USH2A: variants seen among roughly 807,000 people sequenced by gnomAD.
The protein encoded by USH2A is Usher syndrome 2A (autosomal recessive, mild).
A neutral mutation model predicts 538.9 loss-of-function variants in USH2A; 443 were observed. That is an observed-to-expected ratio of 0.82 (90% confidence interval 0.76 to 0.89). The LOEUF is 0.89. USH2A is among the 40% of genes least tolerant of loss of function. The pLI, the probability that USH2A is intolerant of heterozygous loss-of-function variation, is 0.00. For synonymous variants in USH2A, 2,413 were observed against 2,273.5 expected, an observed-to-expected ratio of 1.06 and a Z score of -1.75; for missense variants, 6,633 against 6,324.8, an observed-to-expected ratio of 1.05 and a Z score of -1.65.
intron 49 of USH2A, among the ~76,000 whole-genome samples, chr1:215,811,842 G>T (rs1228878323): frequency 1.5e-4 from 23 of 151,658 alleles, no homozygotes; most frequent in Non-Finnish European, 7.4e-5. Context: ...GGAGGTGGAG[G>T]TTGCAGTGAG....
chr1:215,634,590 CCAA>C lies in USH2A; in HGVS notation c.15163_15165del (p.Leu5055del). On this transcript the variant is annotated inframe_deletion, in exon 70 of 72. Transcript: ENST00000307340. ...TGTAGTATCAGGGACAGAAAAATGG[CCAA>C]CAAGATCAAGCCCAGCATCGCCATT... 2 of 1,614,078 alleles carry C rather than the reference CCAA, an allele frequency of 1.2e-6. No homozygotes were observed.
intron 61 of USH2A, among the ~76,000 whole-genome samples, chr1:215,725,114 A>G (rs1177031886): frequency 1.3e-5 from 2 of 152,190 alleles, no homozygotes; most frequent in Middle Eastern, 6.8e-3. Flanking sequence ...GCTCACTGCA[A>G]CCGTGGCCTC....
chr1:215,629,601 G>A (rs1451589155), intron 70 of USH2A, among the ~76,000 whole-genome samples: 1 of 151,756 alleles, frequency 6.6e-6, no homozygotes, highest in Non-Finnish European at 1.5e-5. Flanking sequence ...TTTCTTATAG[G>A]ATTCCAGCCT....
rs559903378 is a variant in USH2A, at chr1:215,701,518, T to C, written c.12067-21142A>G. ...TGGGTGCTCCTGTATTGGGTGCATA[T>C]AGATTTAGGATAGTTAGCTCTTCTT... On this transcript the variant is annotated intron_variant, in intron 61 of 71. Transcript: ENST00000307340. Among the ~76,000 whole-genome samples, 7 of 152,336 alleles carry C rather than the reference T, an allele frequency of 4.6e-5. No homozygotes were observed. In the South Asian group the frequency reaches 1.4e-3, roughly 32 times the overall value.
chr1:215,705,083 A>G (rs1659148554), intron 61 of USH2A, among the ~76,000 whole-genome samples: 1 of 152,180 alleles, frequency 6.6e-6, no homozygotes, highest in Admixed American at 6.5e-5. Flanking sequence ...AAACACACCT[A>G]TTTTTGGGGT....
chr1:215,774,149 A>T (rs975719084), intron 55 of USH2A, among the ~76,000 whole-genome samples: 1 of 152,124 alleles, frequency 6.6e-6, no homozygotes, highest in African/African-American at 2.4e-5. Flanking sequence ...TGAACATCAA[A>T]ACATCAAAAC....
At chr1:215,847,110 T>TC (rs1203626668) in intron 44 of USH2A, among the ~76,000 whole-genome samples, 1 of 152,172 alleles carries the variant, frequency 6.6e-6, no homozygotes, top group Non-Finnish European at 1.5e-5. Flanking sequence ...TATTATTTTT[T>TC]CTCCTCTTCC....
rs530878261 is a variant in USH2A, at chr1:215,813,866, T to C, written c.9609A>G (p.Gly3203=). 1.2e-6 allele frequency: 2 copies of C among 1,613,870 alleles called. No homozygotes were observed. Among genetic ancestry groups the C allele is most frequent in the Non-Finnish European group, 1.7e-6 (2 of 1,179,832 alleles). Residue 3203 remains glycine (G), a synonymous_variant, in exon 49 of 72, where the codon GGA becomes GGG. Coordinates refer to ENST00000307340, the MANE Select transcript of USH2A (RefSeq NM_206933.4). ...CNGVLYNPKP[G]HRCCEEKYIP... is the part of the protein sequence containing the mutation. ...TATACTTTTCTTCACAACAGCGATG[T>C]CCAGGCTTGGGGTTATAGAGCACTC...
intron 15 of USH2A, among the ~76,000 whole-genome samples, chr1:216,210,887 G>A (rs914712929): frequency 3.9e-5 from 6 of 151,958 alleles, no homozygotes; most frequent in South Asian, 2.1e-4. Flanking sequence ...AGGCTCAGGC[G>A]GAAGAATCGT....
chr1:215,783,836 C>T (rs1436354413), intron 52 of USH2A, among the ~76,000 whole-genome samples: 2 of 152,164 alleles, frequency 1.3e-5, no homozygotes, highest in Admixed American at 6.5e-5. Context: ...TCCTTGGCTG[C>T]CTGGCCACCT....
intron 57 of USH2A, 42 bp downstream of exon 57, chr1:215,759,618 C>G (rs1016796737): frequency 1.2e-6 from 2 of 1,611,270 alleles, no homozygotes; most frequent in Admixed American, 1.7e-5. Flanking sequence ...GAGAAATGTA[C>G]AAATCCTGCT....
rs1453030908 is a variant in USH2A at position 215,640,590 on chromosome 1, G to T, written c.14936C>A (p.Thr4979Asn). 17 of 1,613,792 alleles carry T rather than the reference G, an allele frequency of 1.1e-5. No homozygotes were observed. Among genetic ancestry groups the T allele is most frequent in the Non-Finnish European group, 1.4e-5 (16 of 1,179,960 alleles). The stretch of plus-strand genomic sequence containing the variant: ...CGCCGTTCTCGGTATGTAGAGGGTG[G>T]TGTCCAAGCCGCTGTACACGCGTCG... ...GGRRVYSGLDTTLYIPRTADK... is the reference protein window; with the variant it reads ...GGRRVYSGLDNTLYIPRTADK... The change falls in exon 68 of 72, where the codon ACC (threonine) becomes AAC (asparagine). Residue 4979 changes from threonine to asparagine, a missense_variant. Coordinates refer to ENST00000307340, the MANE Select transcript of USH2A (RefSeq NM_206933.4).
At chr1:215,791,467 C>T (rs904586597) in intron 50 of USH2A, among the ~76,000 whole-genome samples, 3 of 152,140 alleles carry the variant, frequency 2.0e-5, no homozygotes, top group Admixed American at 2.0e-4. Context: ...ATTGGTTTGG[C>T]ACATGCCTTA....
At position 216,254,488 on chromosome 1, in the gene USH2A, C is replaced by G. The variant is rs371469120; in HGVS notation, c.1972-3390G>C. On this transcript the variant is annotated intron_variant, in intron 11 of 71. Coordinates refer to ENST00000307340, the MANE Select transcript of USH2A (RefSeq NM_206933.4). The stretch of plus-strand genomic sequence containing the variant: ...TCTAGATTGACCTATTGGTTTTCTT[C>G]GGCCAAATACTAGCACATATAATGC... Among the ~76,000 whole-genome samples the G allele has an allele frequency of 3.9e-5, 6 of 152,108 alleles. No individual in the cohort carries two copies. In the South Asian group the frequency reaches 1.2e-3, roughly 32 times the overall value.
intron 21 of USH2A, among the ~76,000 whole-genome samples, chr1:216,160,897 A>G (rs775521347): frequency 2.0e-5 from 3 of 152,064 alleles, no homozygotes; most frequent in African/African-American, 4.8e-5. Context: ...TGTCAACTTC[A>G]GTTTTATATA....
intron 4 of USH2A, among the ~76,000 whole-genome samples, chr1:216,362,999 T>A (rs928607219): frequency 4.6e-5 from 7 of 151,620 alleles, no homozygotes; most frequent in African/African-American, 1.7e-4. Context: ...GTTTAGTAAT[T>A]TTTTTCAATA....
chr1:216,253,248 G>A (rs1020000064), intron 11 of USH2A, among the ~76,000 whole-genome samples: 3 of 150,708 alleles, frequency 2.0e-5, no homozygotes, highest in South Asian at 2.1e-4. Flanking sequence ...GTGCGATCTC[G>A]GCTCACTGCA....
At chr1:215,880,445 T>G (rs17025539) in intron 41 of USH2A, among the ~76,000 whole-genome samples, 5,900 of 152,260 alleles carry the variant, frequency 0.039, 181 homozygotes, top group South Asian at 0.15. Flanking sequence ...ATTGTGAATC[T>G]TAAAAAAACT....
intron 70 of USH2A, among the ~76,000 whole-genome samples, chr1:215,632,747 T>G (rs546742711): frequency 6.6e-6 from 1 of 152,256 alleles, no homozygotes; most frequent in South Asian, 2.1e-4. Context: ...TCCACTGCCT[T>G]CCTCCAGCAG....
Sources: allele counts gnomAD v4.1 joint callset (sites outside exome capture counted in the v4.1 genomes callset), GRCh38; gene constraint gnomAD v4.1.1; transcripts MANE v1.5; gene names NCBI Gene and HGNC (gene_info 2026-07-23, HGNC 2026-07-21).